Variants in GFOD1 observed in about 807,000 individuals in gnomAD.
The protein encoded by GFOD1 is Gfo/Idh/MocA-like oxidoreductase domain containing 1, also known as glucose-fructose oxidoreductase domain-containing protein 1.
Under a neutral mutation model 25.4 loss-of-function variants are expected in GFOD1, and 9 were observed. The ratio of observed to expected loss-of-function variants is 0.35; its 90% confidence interval spans 0.21 to 0.62. The LOEUF is 0.62. Ranked by LOEUF, GFOD1 falls within the 20% of genes least tolerant of loss-of-function variation. The pLI, the probability that GFOD1 is intolerant of heterozygous loss-of-function variation, is 0.72. For missense variants in GFOD1, 403 were observed against 556.9 expected, an observed-to-expected ratio of 0.72 and a Z score of 2.78; for synonymous variants, 253 against 245.6, an observed-to-expected ratio of 1.03 and a Z score of -0.28.
rs1784982519 is a variant in GFOD1 at position 13,363,584 on chromosome 6, T to TA, written c.*1158_*1159insT. The TA allele has an allele frequency of 1.1e-5, 1 of 89,694 alleles. No individual in the cohort carries two copies. Among genetic ancestry groups the TA allele is most frequent in the African/African-American group, 4.2e-5 (1 of 23,898 alleles). The allele number at this position is 89,694 out of a possible 1,614,324, so 5.6% of individuals were successfully genotyped here. A position where few individuals can be genotyped will look rare whatever the true frequency, so the allele number is the denominator to read the frequency against. ...TTTTTTTTTTTTTTTTTTTTTTTTTTGTAAGGAAAGAGGATTCTGATTGGA... is the reference window on the plus strand; with the variant it reads ...TTTTTTTTTTTTTTTTTTTTTTTTTTAGTAAGGAAAGAGGATTCTGATTGGA... On this transcript the variant is annotated 3_prime_UTR_variant, in exon 2 of 2. Coordinates refer to ENST00000379287, the MANE Select transcript of GFOD1 (RefSeq NM_018988.4).
Position 13,435,386 on chromosome 6 carries a change from T to C in GFOD1, c.253+51252A>G, listed in dbSNP as rs562802757. Among the ~76,000 whole-genome samples the C allele has an allele frequency of 3.9e-5, 6 of 152,304 alleles. No individual in the cohort carries two copies. In the South Asian group the frequency reaches 1.0e-3, roughly 26 times the overall value. On this transcript the variant is annotated intron_variant, in intron 1 of 1. Transcript: ENST00000379287. ...CTCTCCTCTCAAATAAGACTTCCTT[T>C]ACTCACGAACTACTTCAGACCCCTG... is the stretch of plus-strand genomic sequence containing the variant.
At chr6:13,449,874 C>T (rs932716725) in intron 1 of GFOD1, among the ~76,000 whole-genome samples, 2 of 152,124 alleles carry the variant, frequency 1.3e-5, no homozygotes, top group Non-Finnish European at 1.5e-5. Context: ...TGAAAACATA[C>T]TAATACACTA....
intron 1 of GFOD1, among the ~76,000 whole-genome samples, chr6:13,480,207 C>T (rs1758717240): frequency 6.6e-6 from 1 of 152,186 alleles, no homozygotes; most frequent in Non-Finnish European, 1.5e-5. Context: ...AAGATCAAAG[C>T]TCATGGAAAC....
chr6:13,363,008 C>T lies in GFOD1; in HGVS notation c.*1735G>A, dbSNP rs1784970383. On this transcript the variant is annotated 3_prime_UTR_variant, in exon 2 of 2. Transcript: ENST00000379287. Reference sequence around the variant, plus strand: ...TGTTGGACTTCAGTGAGCCTGTGAACAAAAGCTACGTAGACTTATGAGGAA... The same window carrying T: ...TGTTGGACTTCAGTGAGCCTGTGAATAAAAGCTACGTAGACTTATGAGGAA... The T allele has an allele frequency of 6.6e-6, 1 of 152,220 alleles. No homozygotes were observed. The highest frequency in any genetic ancestry group is 2.1e-4 in the South Asian group (1 of 4,832). The allele number at this position is 152,220 out of a possible 1,614,324, so 9.4% of individuals were successfully genotyped here.
chr6:13,375,133 A>T (rs1785232700), intron 1 of GFOD1, among the ~76,000 whole-genome samples: 1 of 152,134 alleles, frequency 6.6e-6, no homozygotes, highest in Admixed American at 6.5e-5. Context: ...AATTGTTGCT[A>T]ATTACAGTCA....
chr6:13,383,934 T>C (rs1785415298), intron 1 of GFOD1, among the ~76,000 whole-genome samples: 1 of 152,160 alleles, frequency 6.6e-6, no homozygotes. Context: ...AAGAACAAAA[T>C]AAACATATTG....
At chr6:13,418,282 TG>T (rs1266185476) in intron 1 of GFOD1, among the ~76,000 whole-genome samples, 1 of 152,190 alleles carries the variant, frequency 6.6e-6, no homozygotes, top group East Asian at 1.9e-4. Context: ...AGGCTGGAAC[TG>T]GAAGAAACAG....
At chr6:13,387,476 T>C (rs1785498574) in intron 1 of GFOD1, among the ~76,000 whole-genome samples, 1 of 152,226 alleles carries the variant, frequency 6.6e-6, no homozygotes, top group African/African-American at 2.4e-5. Context: ...CGCAAATCAA[T>C]AAACGTAATC....
At position 13,386,263 on chromosome 6, in the gene GFOD1, G is replaced by A. The variant is rs76187231; in HGVS notation, c.254-20601C>T. Reference sequence around the variant, plus strand: ...TCCCTTGTATTTCCAGATCCTAAAGGATCATGATGTCGAGTTGTTCTAAGG... The same window carrying A: ...TCCCTTGTATTTCCAGATCCTAAAGAATCATGATGTCGAGTTGTTCTAAGG... On this transcript the variant is annotated intron_variant, in intron 1 of 1. Transcript: ENST00000379287. Among the ~76,000 whole-genome samples, 31 of 152,150 alleles carry A rather than the reference G, an allele frequency of 2.0e-4. No homozygotes were observed. In the East Asian group the frequency reaches 6.0e-3, roughly 29 times the overall value.
At chr6:13,438,508 A>C (rs753902890) in intron 1 of GFOD1, among the ~76,000 whole-genome samples, 5 of 152,174 alleles carry the variant, frequency 3.3e-5, no homozygotes, top group Non-Finnish European at 7.3e-5. Flanking sequence ...CTTCTCAAAA[A>C]TGCATGAAAA....
intron 1 of GFOD1, among the ~76,000 whole-genome samples, chr6:13,449,786 C>A (rs906270854): frequency 1.3e-5 from 2 of 152,192 alleles, no homozygotes; most frequent in East Asian, 3.8e-4. Context: ...GCCTCCCCAG[C>A]CACATGGAAC....
At chr6:13,477,928 G>T (rs1172117166) in intron 1 of GFOD1, among the ~76,000 whole-genome samples, 1 of 151,976 alleles carries the variant, frequency 6.6e-6, no homozygotes, top group African/African-American at 2.4e-5. Flanking sequence ...GCCAGGCGTG[G>T]TCGCAAATGC....
At chr6:13,463,798 T>C (rs9382119) in intron 1 of GFOD1, among the ~76,000 whole-genome samples, 23,477 of 152,176 alleles carry the variant, frequency 0.15, 2,057 homozygotes, top group South Asian at 0.26. Context: ...ATATATGCTA[T>C]ATAGGTACAC....
chr6:13,473,900 A>G (rs545987236), intron 1 of GFOD1, among the ~76,000 whole-genome samples: 1 of 152,206 alleles, frequency 6.6e-6, no homozygotes, highest in East Asian at 1.9e-4. Context: ...TGCACCCGGG[A>G]CGAGTGGGGC....
chr6:13,445,945 T>A (rs1236090516), intron 1 of GFOD1, among the ~76,000 whole-genome samples: 1 of 152,180 alleles, frequency 6.6e-6, no homozygotes, highest in Non-Finnish European at 1.5e-5. Context: ...GCTAAATGTG[T>A]CAACCTTGAT....
At chr6:13,450,255 C>A (rs1758071731) in intron 1 of GFOD1, among the ~76,000 whole-genome samples, 1 of 152,220 alleles carries the variant, frequency 6.6e-6, no homozygotes, top group South Asian at 2.1e-4. Context: ...CAGATGTTAA[C>A]TAAGCTAAAG....
intron 1 of GFOD1, among the ~76,000 whole-genome samples, chr6:13,452,510 C>T (rs536692442): frequency 2.4e-4 from 36 of 152,306 alleles, no homozygotes; most frequent in African/African-American, 3.6e-4. Context: ...CCCGCAGATT[C>T]GGCATCTGGT....
rs1351839463 is a variant in GFOD1 at position 13,365,035 on chromosome 6, G to A, written c.881C>T (p.Ala294Val). Residue 294 changes from alanine (A) to valine (V), a missense_variant, in exon 2 of 2, where the codon GCC becomes GTC. Coordinates refer to ENST00000379287, the MANE Select transcript of GFOD1 (RefSeq NM_018988.4). The surrounding 1 kb of genome is among the most constrained non-coding windows in gnomAD (Gnocchi z 9.2). ...GTAGGGCGAGGGGATGTCGCTGAAG[G>A]CCTTCTCCGGAAGCAGGGAGTTGCT... Reference protein sequence around the residue: ...PVSNSLLPEKAFSDIPSPYLR... With the variant: ...PVSNSLLPEKVFSDIPSPYLR... 1 of 1,610,462 alleles carries A rather than the reference G, an allele frequency of 6.2e-7. No homozygotes were observed. The highest frequency in any genetic ancestry group is 8.5e-7 in the Non-Finnish European group (1 of 1,179,908).
intron 1 of GFOD1, among the ~76,000 whole-genome samples, chr6:13,445,283 C>T (rs1351718284): frequency 6.6e-6 from 1 of 152,190 alleles, no homozygotes; most frequent in African/African-American, 2.4e-5. Flanking sequence ...TTGAGCACCA[C>T]TTCTCAGATT....
Sources: gnomAD v4.1 joint callset for allele counts (sites outside exome capture counted in the v4.1 genomes callset) on GRCh38, gnomAD v4.1.1 for gene constraint, Gnocchi (gnomAD v3.1) non-coding constraint, MANE v1.5 for transcripts, NCBI Gene and HGNC (gene_info 2026-07-23, HGNC 2026-07-21) for gene names.